The following GFAP variants were observed in gnomAD, a reference collection of about 807,000 sequenced individuals.
The protein encoded by GFAP is glial fibrillary acidic protein.
A neutral mutation model predicts 49.3 loss-of-function variants in GFAP; 38 were observed. The observed-to-expected ratio is 0.77, with a 90% confidence interval of 0.60 to 1.01. GFAP has a LOEUF of 1.01. GFAP is among the 50% of genes least tolerant of loss of function. The pLI, the probability that GFAP is intolerant of heterozygous loss-of-function variation, is 0.00. For missense variants in GFAP, 463 were observed against 579.1 expected, an observed-to-expected ratio of 0.80 and a Z score of 2.06; for synonymous variants, 222 against 236.4, an observed-to-expected ratio of 0.94 and a Z score of 0.56.
Position 44,904,892 on chromosome 17 carries a change from T to C in GFAP, c.*2455A>G, listed in dbSNP as rs998781432. On this transcript the variant is annotated 3_prime_UTR_variant, in exon 9 of 9. Coordinates refer to ENST00000588735, the MANE Select transcript of GFAP (RefSeq NM_002055.5). ...GAGGCAGGGTGTGCTAGTTGCTGGC[T>C]TCCGGCTGGGTGTGACATCTCATGG... 1 of 1,550,598 alleles carries C rather than the reference T, an allele frequency of 6.4e-7. No homozygotes were observed. Among genetic ancestry groups the C allele is most frequent in the Admixed American group, 2.0e-5 (1 of 51,010 alleles).
intron 7 of GFAP, chr17:44,909,356 A>C (rs1011798760): frequency 2.6e-5 from 4 of 152,290 alleles, no homozygotes; most frequent in African/African-American, 9.6e-5. Context: ...AGTGCTCAAT[A>C]CACATAGGTC....
chr17:44,904,284 A>G lies in GFAP; in HGVS notation c.*3063T>C, dbSNP rs1166163708. The G allele has an allele frequency of 1.3e-6, 2 of 1,549,720 alleles. No homozygotes were observed. Among genetic ancestry groups the G allele is most frequent in the African/African-American group, 2.7e-5 (2 of 73,046 alleles). ...GAGGGAATGGTGGCCACTTTCCAGG[A>G]CAAGGGCCAGGAGCCCTTTGCAGAT... is the stretch of plus-strand genomic sequence containing the variant. On this transcript the variant is annotated 3_prime_UTR_variant, in exon 9 of 9. Transcript: ENST00000588735.
chr17:44,910,998 G>C (rs774026090), intron 6 of GFAP: 2 of 611,190 alleles, frequency 3.3e-6, no homozygotes, highest in Non-Finnish European at 5.8e-6. Context: ...TTAGTTTGGA[G>C]GGTGACCCAA....
rs1336675222 is a variant in GFAP, at chr17:44,904,737, A to C, written c.*2610T>G. 6.4e-7 allele frequency: 1 copy of C among 1,550,430 alleles called. No individual in the cohort carries two copies. Among genetic ancestry groups the C allele is most frequent in the African/African-American group, 1.4e-5 (1 of 73,026 alleles). On this transcript the variant is annotated 3_prime_UTR_variant, in exon 9 of 9. Coordinates refer to ENST00000588735, the MANE Select transcript of GFAP (RefSeq NM_002055.5). ...GAGCATGCAGTGGCCTGGGACAAAG[A>C]CCGCCAGCACCTCTACCGCACACAG...
intron 6 of GFAP, 156 bp from the exon 7 acceptor site, chr17:44,910,814 A>T: frequency 9.3e-7 from 1 of 1,079,748 alleles, no homozygotes; most frequent in Admixed American, 2.5e-5. Flanking sequence ...CCAACGTGCT[A>T]TCTGGAGTTC....
At chr17:44,908,444 AC>A in intron 7 of GFAP, 1 of 311,692 alleles carries the variant, frequency 3.2e-6, no homozygotes. Flanking sequence ...AAATCAGGAG[AC>A]CAGGAGGGGT....
At chr17:44,914,967 C>T in intron 1 of GFAP, 59 bp downstream of exon 1, 2 of 1,485,772 alleles carry the variant, frequency 1.3e-6, no homozygotes, top group South Asian at 2.3e-5. Context: ...TCGGGCACTC[C>T]TTCTTGGGGA....
At chr17:44,914,373 A>C (rs199586897) in intron 1 of GFAP, 45 of 477,814 alleles carry the variant, frequency 9.4e-5, no homozygotes, top group South Asian at 3.2e-4. Flanking sequence ...TTGCACACAC[A>C]CACACACACA....
chr17:44,905,135 C>G lies in GFAP; in HGVS notation c.*2212G>C. ...GTGTTTGTTAAATGATACCAGATGT[C>G]TCTGGGTGGGTACCCTGGGTTGGGA... On this transcript the variant is annotated 3_prime_UTR_variant, in exon 9 of 9. Coordinates refer to ENST00000588735, the MANE Select transcript of GFAP (RefSeq NM_002055.5). 1 of 1,309,930 alleles carries G rather than the reference C, an allele frequency of 7.6e-7. No individual in the cohort carries two copies. Among genetic ancestry groups the G allele is most frequent in the Non-Finnish European group, 1.0e-6 (1 of 955,626 alleles). The allele number at this position is 1,309,930 out of a possible 1,614,324, so 81.1% of individuals were successfully genotyped here.
chr17:44,904,484 G>A lies in GFAP; in HGVS notation c.*2863C>T. On this transcript the variant is annotated 3_prime_UTR_variant, in exon 9 of 9. Transcript: ENST00000588735. ...TGTGGTGTCTTGTGGCTCAAGGGCT[G>A]TGCCAAGGAAGCTGCGGACCAAGGC... is the stretch of plus-strand genomic sequence containing the variant. 6.5e-7 allele frequency: 1 copy of A among 1,548,298 alleles called. No individual in the cohort carries two copies. The highest frequency in any genetic ancestry group is 8.7e-7 in the Non-Finnish European group (1 of 1,145,458).
intron 1 of GFAP, 85 bp from the exon 2 acceptor site, chr17:44,914,173 A>G: frequency 2.1e-6 from 2 of 942,960 alleles, no homozygotes; most frequent in South Asian, 2.8e-5. Context: ...GGCAGCTGTC[A>G]CAGAGACCAC....
At chr17:44,912,931 C>T (rs1473555090) in intron 4 of GFAP, 1 of 349,858 alleles carries the variant, frequency 2.9e-6, no homozygotes, top group East Asian at 6.9e-5. Context: ...AGCTGTGTGA[C>T]TTTGAGCAAA....
chr17:44,911,211 C>A (rs1340079005), intron 6 of GFAP, 25 bp downstream of exon 6: 1 of 1,603,416 alleles, frequency 6.2e-7, no homozygotes, highest in East Asian at 2.2e-5. Flanking sequence ...GGGAGACTTC[C>A]CCAGGGGCTG....
rs749865965 is a variant in GFAP at position 44,904,201 on chromosome 17, C to T, written c.*3146G>A. On this transcript the variant is annotated 3_prime_UTR_variant, in exon 9 of 9. Coordinates refer to ENST00000588735, the MANE Select transcript of GFAP (RefSeq NM_002055.5). Reference sequence around the variant, plus strand: ...AGTCTGAGGACTCAGGCCTGTACTTCTGCGGCACCCGCAAGGGGGACTACT... The same window carrying T: ...AGTCTGAGGACTCAGGCCTGTACTTTTGCGGCACCCGCAAGGGGGACTACT... 6 of 1,550,550 alleles carry T rather than the reference C, an allele frequency of 3.9e-6. No individual in the cohort carries two copies. In the South Asian group the frequency reaches 7.1e-5, roughly 18 times the overall value.
rs2051886633 is a variant in GFAP at position 44,915,333 on chromosome 17, A to G, written c.154T>C (p.Phe52Leu). 6.2e-7 allele frequency: 1 copy of G among 1,613,052 alleles called. No homozygotes were observed. The highest frequency in any genetic ancestry group is 1.3e-5 in the African/African-American group (1 of 75,026). The change falls in exon 1 of 9, where the codon TTC becomes CTC. Residue 52 changes from phenylalanine (F) to leucine (L), a missense_variant. Phe to Leu is a conservative substitution (Grantham distance 22). Transcript: ENST00000588735. The surrounding 1 kb of genome is among the most constrained non-coding windows in gnomAD (Gnocchi z 4.1). ...GCATTGAGTGCCCCAGCCAGGGAGA[A>G]ATCCACCCGGGTCGGGAGTGGAGGG... The part of the protein sequence containing the change: ...MPPPLPTRVD[F>L]SLAGALNAGF...
At position 44,903,869 on chromosome 17, in the gene GFAP, G is replaced by GGGA. The variant is rs200768101; in HGVS notation, c.*3477_*3478insTCC. 6.6e-7 allele frequency: 1 copy of GGGA among 1,512,032 alleles called. No homozygotes were observed. Among genetic ancestry groups the GGGA allele is most frequent in the Non-Finnish European group, 8.9e-7 (1 of 1,122,794 alleles). 93.7% of individuals were successfully genotyped at this position (1,512,032 alleles called of 1,614,324 possible). On this transcript the variant is annotated 3_prime_UTR_variant, in exon 9 of 9. Coordinates refer to ENST00000588735, the MANE Select transcript of GFAP (RefSeq NM_002055.5). ...CACCACTGTGCTCCTGTGGGCATGGGGGCTCCAGGCCTTTGAAATTGTGGA... is the reference window on the plus strand; with the variant it reads ...CACCACTGTGCTCCTGTGGGCATGGGGGAGGCTCCAGGCCTTTGAAATTGTGGA...
At position 44,903,953 on chromosome 17, in the gene GFAP, G is replaced by A. The variant is rs1435444339; in HGVS notation, c.*3394C>T. The A allele has an allele frequency of 6.4e-7, 1 of 1,550,592 alleles. No homozygotes were observed. Among genetic ancestry groups the A allele is most frequent in the Admixed American group, 2.0e-5 (1 of 51,004 alleles). On this transcript the variant is annotated 3_prime_UTR_variant, in exon 9 of 9. Coordinates refer to ENST00000588735, the MANE Select transcript of GFAP (RefSeq NM_002055.5). The stretch of plus-strand genomic sequence containing the variant: ...TGCTTTCCTGATGTTTGAAAATGCA[G>A]CCTACCTGGCCGACATGAGCTTTGA...
chr17:44,904,566 C>A lies in GFAP; in HGVS notation c.*2781G>T. On this transcript the variant is annotated 3_prime_UTR_variant, in exon 9 of 9. Transcript: ENST00000588735. ...AGCTGCTTAGTACCCTGTGAGAAGA[C>A]AAAGACCATCCGGGAGGGCGTGCTG... The A allele has an allele frequency of 6.4e-7, 1 of 1,550,590 alleles. No individual in the cohort carries two copies. The highest frequency in any genetic ancestry group is 8.7e-7 in the Non-Finnish European group (1 of 1,146,984).
intron 3 of GFAP, 67 bp from the exon 4 acceptor site, chr17:44,913,497 A>G: frequency 1.3e-6 from 2 of 1,534,564 alleles, no homozygotes; most frequent in Non-Finnish European, 1.8e-6. Context: ...TCCCCACGCC[A>G]TTGTGTCCTC....
Sources: allele counts gnomAD v4.1 joint callset, GRCh38; gene constraint gnomAD v4.1.1; non-coding constraint Gnocchi (gnomAD v3.1); transcripts MANE v1.5; gene names NCBI Gene and HGNC (gene_info 2026-07-23, HGNC 2026-07-21).